The following HPS1 variants were observed in gnomAD, a reference collection of about 807,000 sequenced individuals.
HPS1 encodes BLOC-3 complex member HPS1.
Under a neutral mutation model 90.6 loss-of-function variants are expected in HPS1, and 59 were observed. The observed-to-expected ratio is 0.65, with a 90% CI of 0.53 to 0.81. The LOEUF is 0.81. Ranked by LOEUF, HPS1 falls within the 30% of genes least tolerant of loss-of-function variation. The probability of loss-of-function intolerance (pLI) is 0.00; values close to 1 mark genes in which losing one functional copy is unlikely to be tolerated. For synonymous variants in HPS1, 388 were observed against 384.4 expected, an observed-to-expected ratio of 1.01 and a Z score of -0.11; for missense variants, 849 against 896.7, an observed-to-expected ratio of 0.95 and a Z score of 0.68.
Position 98,423,842 on chromosome 10 carries a change from G to A in HPS1, c.1443C>T (p.Ile481=). 2.5e-6 allele frequency: 4 copies of A among 1,613,922 alleles called. No individual in the cohort carries two copies. The highest frequency in any genetic ancestry group is 3.4e-6 in the Non-Finnish European group (4 of 1,180,028). The change falls in exon 15 of 20, where the codon ATC becomes ATT. Residue 481 remains isoleucine, a synonymous_variant. Coordinates refer to ENST00000361490, the MANE Select transcript of HPS1 (RefSeq NM_000195.5). ...CGKLKRQLCA[I]YRLNFLTTAP... Reference sequence around the variant, plus strand: ...CTGTGGTCAGAAAGTTCAGCCGGTAGATGGCGCAGAGCTGCCGCTTCAGCT... The same window carrying A: ...CTGTGGTCAGAAAGTTCAGCCGGTAAATGGCGCAGAGCTGCCGCTTCAGCT...
Position 98,427,224 on chromosome 10 carries a change from A to T in HPS1, c.978T>A (p.Asp326Glu). 1 of 1,551,460 alleles carries T rather than the reference A, an allele frequency of 6.4e-7. No homozygotes were observed. Among genetic ancestry groups the T allele is most frequent in the Non-Finnish European group, 8.7e-7 (1 of 1,146,806 alleles). Residue 326 changes from aspartate (D) to glutamate (E), a missense_variant, in exon 11 of 20, where the codon GAT becomes GAA. By Grantham distance (45) the Asp-to-Glu change is conservative. Transcript: ENST00000361490. ...CACAGGAGAAACTCACCTGAAGGGC[A>T]TCCATGGGGGGGGTGCCCCCCTCCA... Reference protein sequence around the residue: ...IWLEGGTPPMDALQIAEDTLQ... With the variant: ...IWLEGGTPPMEALQIAEDTLQ...
rs773201761 is a variant in HPS1, at chr10:98,434,065, C to T, written c.425G>A (p.Arg142His). ...KELRPPDLAQ[R>H]VQLWEHFQSL... ...CTGGAAGTGCTCCCACAGCTGGACA[C>T]GCTGCGCCAGGTCTGGGGGCCGCAG... Residue 142 changes from arginine (R) to histidine (H), a missense_variant, in exon 6 of 20, where the codon CGT becomes CAT. By Grantham distance (29) the Arg-to-His change is conservative. Coordinates refer to ENST00000361490, the MANE Select transcript of HPS1 (RefSeq NM_000195.5). 7.7e-6 allele frequency: 12 copies of T among 1,551,214 alleles called. No homozygotes were observed. The highest frequency in any genetic ancestry group is 1.7e-4 in the Middle Eastern group (1 of 6,012).
At chr10:98,414,356 C>T (rs574042296), downstream of HPS1, 1 of 152,278 alleles carries the variant, frequency 6.6e-6, no homozygotes, top group East Asian at 1.9e-4. Context: ...TGCCTCTTCC[C>T]CTAGCACCCA....
At chr10:98,444,970 C>G (rs10786422) in intron 2 of HPS1, among the ~76,000 whole-genome samples, 13 of 152,032 alleles carry the variant, frequency 8.6e-5, no homozygotes, top group African/African-American at 3.1e-4. Flanking sequence ...GAGAAGTGAC[C>G]GGCTGGCTGG....
chr10:98,420,332 T>C (rs1844691808), intron 17 of HPS1, 174 bp from the exon 18 acceptor site: 1 of 646,998 alleles, frequency 1.5e-6, no homozygotes, highest in South Asian at 1.6e-5. Flanking sequence ...TAAATCATTA[T>C]TGGATGGATG....
intron 8 of HPS1, 47 bp from the exon 9 acceptor site, chr10:98,429,936 T>C: frequency 2.6e-6 from 4 of 1,533,254 alleles, no homozygotes; most frequent in East Asian, 2.3e-5. Flanking sequence ...CTGACCTGGC[T>C]CCCTCCACCC....
At chr10:98,420,413 T>C (rs1040821850) in intron 17 of HPS1, 1 of 439,806 alleles carries the variant, frequency 2.3e-6, no homozygotes, top group South Asian at 2.0e-5. Context: ...TATACACATA[T>C]GCCATAAATT....
Position 98,423,818 on chromosome 10 carries a change from T to C in HPS1, c.1467A>G (p.Thr489=), listed in dbSNP as rs760689809. ...CAIYRLNFLT[T]APSRGGPHLP... is the part of the protein sequence containing the mutation. ...GGTGTGGGCCTCCCCTGCTGGGGGC[T>C]GTGGTCAGAAAGTTCAGCCGGTAGA... Residue 489 remains threonine, a synonymous_variant, in exon 15 of 20, where the codon ACA becomes ACG. Coordinates refer to ENST00000361490, the MANE Select transcript of HPS1 (RefSeq NM_000195.5). The C allele has an allele frequency of 1.9e-6, 3 of 1,613,896 alleles. No homozygotes were observed. The highest frequency in any genetic ancestry group is 2.2e-5 in the East Asian group (1 of 44,872).
chr10:98,439,302 A>C (rs1937984310), intron 3 of HPS1, among the ~76,000 whole-genome samples: 1 of 152,172 alleles, frequency 6.6e-6, no homozygotes, highest in South Asian at 2.1e-4. Context: ...GACAGCTTGC[A>C]CCATGCACCT....
intron 6 of HPS1, among the ~76,000 whole-genome samples, chr10:98,432,345 T>C (rs1846595381): frequency 6.6e-6 from 1 of 152,376 alleles, no homozygotes; most frequent in East Asian, 1.9e-4. Context: ...TTATTATATC[T>C]TTTAGTATAT....
chr10:98,431,973 C>T (rs996271250), intron 6 of HPS1, among the ~76,000 whole-genome samples: 1 of 152,168 alleles, frequency 6.6e-6, no homozygotes, highest in Non-Finnish European at 1.5e-5. Context: ...GTATATATTT[C>T]ACATGCATAG....
Position 98,443,141 on chromosome 10 carries a change from C to T in HPS1, c.100G>A (p.Glu34Lys). The T allele has an allele frequency of 6.2e-7, 1 of 1,613,386 alleles. No homozygotes were observed. Among genetic ancestry groups the T allele is most frequent in the African/African-American group, 1.3e-5 (1 of 75,028 alleles). The change falls in exon 3 of 20, where the codon GAG (glutamate) becomes AAG (lysine). Residue 34 changes from glutamate to lysine, a missense_variant. Glu to Lys is a moderately conservative substitution (Grantham distance 56, BLOSUM62 1). Coordinates refer to ENST00000361490, the MANE Select transcript of HPS1 (RefSeq NM_000195.5). ...GCACTCACCTCTTCTTCCTCATTCT[C>T]TGACTGCCCGAACTTCAGCCGGAGA... ...ESLRLKFGQS[E>K]NEEEELPALE...
rs1846200767 is a variant in HPS1, at chr10:98,430,019, G to A, written c.769-130C>T. On this transcript the variant is annotated intron_variant, in intron 8 of 19. Transcript: ENST00000361490. ...TCCACCCGTTCCGGGTGCAGTCCTG[G>A]GTGTGTGGTCCTCAGACTTCCCAGG... is the stretch of plus-strand genomic sequence containing the variant. The A allele has an allele frequency of 1.5e-5, 11 of 746,604 alleles. No individual in the cohort carries two copies. The South Asian group carries it at 1.5e-4, about 10-fold the overall frequency. 46.2% of individuals were successfully genotyped at this position (746,604 alleles called of 1,614,324 possible).
At position 98,417,837 on chromosome 10, in the gene HPS1, C is replaced by T; in HGVS notation, c.1941-111G>A. 2 of 1,021,942 alleles carry T rather than the reference C, an allele frequency of 2.0e-6. No homozygotes were observed. Among genetic ancestry groups the T allele is most frequent in the South Asian group, 2.8e-5 (2 of 70,296 alleles). The allele number at this position is 1,021,942 out of a possible 1,614,324, so 63.3% of individuals were successfully genotyped here. A position where few individuals can be genotyped will look rare whatever the true frequency, so the allele number is the denominator to read the frequency against. On this transcript the variant is annotated intron_variant, in intron 19 of 19. Transcript: ENST00000361490. The surrounding 1 kb of genome is among the most constrained non-coding windows in gnomAD (Gnocchi z 4.2). ...AATGCCCATGCCCTCGGTCATCTCA[C>T]TAGGCCCCTGCATGTGGGCCTTGAC... is the stretch of plus-strand genomic sequence containing the variant.
At chr10:98,428,696 C>CATT (rs1845930894) in intron 10 of HPS1, among the ~76,000 whole-genome samples, 39 of 128,264 alleles carry the variant, frequency 3.0e-4, no homozygotes, top group Admixed American at 2.6e-3. Flanking sequence ...ACCACAGGAC[C>CATT]CTTTTTTTTT....
chr10:98,435,460 C>T lies in HPS1; in HGVS notation c.256-46G>A, dbSNP rs781372745. On this transcript the variant is annotated intron_variant, in intron 4 of 19. Transcript: ENST00000361490. The surrounding 1 kb of genome is among the most constrained non-coding windows in gnomAD (Gnocchi z 4.3). ...GTGTCAGCCAGCCCCAAGGGCACTCCCTTCACCTGCCCTGGTCTCTGCAGA... is the reference window on the plus strand; with the variant it reads ...GTGTCAGCCAGCCCCAAGGGCACTCTCTTCACCTGCCCTGGTCTCTGCAGA... 5 of 1,613,376 alleles carry T rather than the reference C, an allele frequency of 3.1e-6. No homozygotes were observed. The African/African-American group carries it at 4.0e-5, about 13-fold the overall frequency.
Position 98,420,368 on chromosome 10 carries a change from C to CA in HPS1, c.1744-211dup, listed in dbSNP as rs1591020463. The stretch of plus-strand genomic sequence containing the variant: ...GACTACCCTCCAGTTAGCGTGGGGG[C>CA]AAAATATATGTAAAAAAGCTTTGTG... On this transcript the variant is annotated intron_variant, in intron 17 of 19. Coordinates refer to ENST00000361490, the MANE Select transcript of HPS1 (RefSeq NM_000195.5). The CA allele has an allele frequency of 2.3e-5, 13 of 555,780 alleles. No individual in the cohort carries two copies. The East Asian group carries it at 4.2e-4, about 18-fold the overall frequency. The allele number at this position is 555,780 out of a possible 1,614,324, so 34.4% of individuals were successfully genotyped here.
In HPS1 at chr10:98,417,841, GC is replaced by G; in HGVS notation, c.1941-116del. The G allele has an allele frequency of 1.0e-6, 1 of 971,982 alleles. No individual in the cohort carries two copies. The highest frequency in any genetic ancestry group is 1.6e-5 in the African/African-American group (1 of 62,158). 60.2% of individuals were successfully genotyped at this position (971,982 alleles called of 1,614,324 possible). ...CCCATGCCCTCGGTCATCTCACTAG[GC>G]CCCTGCATGTGGGCCTTGACAACCG... On this transcript the variant is annotated intron_variant, in intron 19 of 19. Transcript: ENST00000361490. This position sits in a 1 kb window ranked among gnomAD's most constrained non-coding sequence, Gnocchi z 4.2.
intron 10 of HPS1, among the ~76,000 whole-genome samples, chr10:98,427,969 C>G (rs960220851): frequency 3.9e-5 from 6 of 152,110 alleles, no homozygotes; most frequent in African/African-American, 7.2e-5. Flanking sequence ...CACGGTGGAA[C>G]AGCATTATTT....
Sources: allele counts gnomAD v4.1 joint callset (sites outside exome capture counted in the v4.1 genomes callset), GRCh38; gene constraint gnomAD v4.1.1; non-coding constraint Gnocchi (gnomAD v3.1); transcripts MANE v1.5; gene names NCBI Gene and HGNC (gene_info 2026-07-23, HGNC 2026-07-21).